RAB27A: variants seen among roughly 807,000 people sequenced by gnomAD.
RAB27A encodes the protein ras-related protein Rab-27A.
In RAB27A, 17 loss-of-function variants were observed where a neutral mutation model predicts 20.8. The observed-to-expected ratio is 0.82, with a 90% CI of 0.56 to 1.23. The LOEUF is 1.23. Among genes scored for constraint, RAB27A ranks in the 50% most tolerant of loss-of-function variants. The probability of loss-of-function intolerance (pLI) is 0.00; values close to 1 mark genes in which losing one functional copy is unlikely to be tolerated. For missense variants in RAB27A, 277 were observed against 266.7 expected (o/e 1.04, Z -0.27); for synonymous variants, 85 against 92.8 (o/e 0.92, Z 0.48).
intron 2 of RAB27A, among the ~76,000 whole-genome samples, chr15:55,253,030 G>A (rs1896950121): frequency 6.6e-6 from 1 of 152,044 alleles, no homozygotes; most frequent in African/African-American, 2.4e-5. Flanking sequence ...TACTCAGGAG[G>A]CTGAGGCAGT....
intron 1 of RAB27A, chr15:55,288,874 A>G (rs1648753816): frequency 6.6e-6 from 1 of 152,178 alleles, no homozygotes; most frequent in East Asian, 1.9e-4. Flanking sequence ...TTTAATTAGC[A>G]ATGATTACAG....
chr15:55,289,750 C>G lies in RAB27A; in HGVS notation c.-177G>C, dbSNP rs1455650595. 1 of 153,148 alleles carries G rather than the reference C, an allele frequency of 6.5e-6. No individual in the cohort carries two copies. The highest frequency in any genetic ancestry group is 1.9e-4 in the East Asian group (1 of 5,200). 9.5% of individuals were successfully genotyped at this position (153,148 alleles called of 1,614,324 possible). On this transcript the variant is annotated 5_prime_UTR_variant, in exon 1 of 7. Coordinates refer to ENST00000336787, the MANE Select transcript of RAB27A (RefSeq NM_183235.3). ...CCCGCCGTCCTGTCCCCGCCTGGCT[C>G]GGGTCCTCGCGCGCCGCGTCCACCC...
At chr15:55,233,673 C>A (rs1896137008) in intron 3 of RAB27A, among the ~76,000 whole-genome samples, 1 of 152,048 alleles carries the variant, frequency 6.6e-6, no homozygotes, top group African/African-American at 2.4e-5. Flanking sequence ...GGAATGCCTG[C>A]TAATAGGTAT....
chr15:55,265,250 AAAG>A (rs61169705), intron 2 of RAB27A, among the ~76,000 whole-genome samples: 77 of 151,936 alleles, frequency 5.1e-4, no homozygotes, highest in African/African-American at 1.7e-3. Flanking sequence ...TCAAAGAAAA[AAAG>A]AAGAAGAAGA....
intron 1 of RAB27A, among the ~76,000 whole-genome samples, chr15:55,279,349 T>C (rs1009256539): frequency 1.3e-5 from 2 of 152,210 alleles, no homozygotes; most frequent in African/African-American, 4.8e-5. Flanking sequence ...CAGAATCACC[T>C]AGGATATGTG....
intron 6 of RAB27A, among the ~76,000 whole-genome samples, chr15:55,218,025 C>G (rs1352974121): frequency 4.6e-5 from 7 of 152,186 alleles, no homozygotes. Context: ...AGGTCAGCAT[C>G]CTGATTTCTT....
intron 2 of RAB27A, 176 bp downstream of exon 2, chr15:55,269,989 T>C (rs1041446038): frequency 6.6e-6 from 1 of 152,198 alleles, no homozygotes; most frequent in African/African-American, 2.4e-5. Context: ...TCACTGAAAA[T>C]GCACTTTTCA....
chr15:55,269,245 T>C (rs1449833529), intron 2 of RAB27A, among the ~76,000 whole-genome samples: 1 of 152,218 alleles, frequency 6.6e-6, no homozygotes, highest in East Asian at 1.9e-4. Flanking sequence ...AGTAGAATTA[T>C]ATAATGAAAT....
chr15:55,264,972 G>C (rs532917860), intron 2 of RAB27A, among the ~76,000 whole-genome samples: 1 of 152,346 alleles, frequency 6.6e-6, no homozygotes, highest in African/African-American at 2.4e-5. Context: ...GCCCGGCATG[G>C]TGGCTCATGC....
intron 2 of RAB27A, among the ~76,000 whole-genome samples, chr15:55,303,305 G>A (rs2054982371): frequency 8.9e-6 from 1 of 112,318 alleles, no homozygotes. Flanking sequence ...CCGGGAGGGA[G>A]GTGGGGGGGT....
At chr15:55,231,911 CA>C (rs113786563) in intron 3 of RAB27A, among the ~76,000 whole-genome samples, 7 of 146,720 alleles carry the variant, frequency 4.8e-5, no homozygotes, top group African/African-American at 1.0e-4. Context: ...ACAACAACAA[CA>C]AAAAAAAAAT....
chr15:55,286,669 T>C (rs1425957090), intron 1 of RAB27A, among the ~76,000 whole-genome samples: 1 of 152,028 alleles, frequency 6.6e-6, no homozygotes, highest in Non-Finnish European at 1.5e-5. Flanking sequence ...CCGCACTCCA[T>C]GCAAGGGTTG....
At chr15:55,279,549 T>C (rs1897960663) in intron 1 of RAB27A, among the ~76,000 whole-genome samples, 1 of 152,210 alleles carries the variant, frequency 6.6e-6, no homozygotes, top group South Asian at 2.1e-4. Context: ...GCAAATAGCC[T>C]GTACATCAAG....
intron 2 of RAB27A, among the ~76,000 whole-genome samples, chr15:55,255,123 A>T (rs192761643): frequency 6.6e-6 from 1 of 152,306 alleles, no homozygotes; most frequent in East Asian, 1.9e-4. Flanking sequence ...TGCACATAGT[A>T]TAAGAAAGGG....
At chr15:55,249,247 A>G (rs1896799912) in intron 2 of RAB27A, among the ~76,000 whole-genome samples, 1 of 152,192 alleles carries the variant, frequency 6.6e-6, no homozygotes, top group South Asian at 2.1e-4. Context: ...GGTCTGCTTA[A>G]CAACAAATTT....
At chr15:55,309,839 C>A (rs2055012742) in intron 2 of RAB27A, among the ~76,000 whole-genome samples, 1 of 152,218 alleles carries the variant, frequency 6.6e-6, no homozygotes, top group Middle Eastern at 3.4e-3. Flanking sequence ...ATTGCAGGGG[C>A]TACTGCACGG....
At chr15:55,288,660 G>T (rs745325614) in intron 1 of RAB27A, among the ~76,000 whole-genome samples, 1 of 152,044 alleles carries the variant, frequency 6.6e-6, no homozygotes, top group Non-Finnish European at 1.5e-5. Flanking sequence ...GAAAAAAGTA[G>T]GAATGAAAAC....
At chr15:55,294,206 A>T (rs1792477982), upstream of RAB27A, among the ~76,000 whole-genome samples, 1 of 152,194 alleles carries the variant, frequency 6.6e-6, no homozygotes, top group African/African-American at 2.4e-5. Flanking sequence ...TAGAAATAAA[A>T]TTATGCATCT....
At position 55,203,448 on chromosome 15, in the gene RAB27A, T is replaced by C. The variant is rs1894489390; in HGVS notation, c.*2059A>G. 1 of 140,006 alleles carries C rather than the reference T, an allele frequency of 7.1e-6. No individual in the cohort carries two copies. 8.7% of individuals were successfully genotyped at this position (140,006 alleles called of 1,614,324 possible). On this transcript the variant is annotated 3_prime_UTR_variant, in exon 7 of 7. Coordinates refer to ENST00000336787, the MANE Select transcript of RAB27A (RefSeq NM_183235.3). The stretch of plus-strand genomic sequence containing the variant: ...TTTTTTTTTTTGAGACAGAGTCTCC[T>C]CTGTCGCCCAGGCTGGAGTGCAGTG...
Sources: gnomAD v4.1 joint callset for allele counts (sites outside exome capture counted in the v4.1 genomes callset) on GRCh38, gnomAD v4.1.1 for gene constraint, MANE v1.5 for transcripts, NCBI Gene and HGNC (gene_info 2026-07-23, HGNC 2026-07-21) for gene names.